CNTNAP5: variants seen among roughly 807,000 people sequenced by gnomAD.
The protein encoded by CNTNAP5 is contactin associated protein family member 5.
In CNTNAP5, 72 loss-of-function variants were observed where a neutral mutation model predicts 150.2. The observed-to-expected ratio is 0.48, with a 90% CI of 0.40 to 0.58. The LOEUF (loss-of-function observed/expected upper bound fraction) is 0.58. CNTNAP5 is among the 20% of genes least tolerant of loss of function. The probability of loss-of-function intolerance (pLI) is 0.00; values close to 1 mark genes in which losing one functional copy is unlikely to be tolerated. For missense variants in CNTNAP5, 1,636 were observed against 1,626.2 expected (o/e 1.01, Z -0.10); for synonymous variants, 672 against 619.8 (o/e 1.08, Z -1.25).
intron 1 of CNTNAP5, among the ~76,000 whole-genome samples, chr2:124,085,314 C>T (rs576246601): frequency 7.1e-4 from 108 of 152,182 alleles, no homozygotes; most frequent in Non-Finnish European, 1.2e-3. Flanking sequence ...TCACTCATTT[C>T]GTCAAAGTTT....
Position 124,726,919 on chromosome 2 carries a change from A to G in CNTNAP5, c.2078-20310A>G, listed in dbSNP as rs149685966. ...CTAAAAAAATGTTGTTCAGACTAAC[A>G]TCATGAAGATTTTATCCAGTGTTTT... On this transcript the variant is annotated intron_variant, in intron 13 of 23. Transcript: ENST00000682447. Among the ~76,000 whole-genome samples the G allele has an allele frequency of 3.0e-3, 452 of 152,200 alleles. 3 individuals carry two copies. Among genetic ancestry groups the G allele is most frequent in the African/African-American group, 0.01 (427 of 41,568 alleles).
At chr2:124,212,045 T>G (rs1573839302) in intron 1 of CNTNAP5, among the ~76,000 whole-genome samples, 1 of 152,354 alleles carries the variant, frequency 6.6e-6, no homozygotes. Flanking sequence ...CTCTCAATTC[T>G]GATAACTACT....
At chr2:124,768,400 C>T (rs1219538891) in intron 16 of CNTNAP5, among the ~76,000 whole-genome samples, 1 of 149,972 alleles carries the variant, frequency 6.7e-6, no homozygotes, top group Non-Finnish European at 1.5e-5. Flanking sequence ...AAGTATCATA[C>T]TGAGAATATT....
chr2:124,557,741 G>A (rs962991507), intron 10 of CNTNAP5, among the ~76,000 whole-genome samples: 4 of 152,114 alleles, frequency 2.6e-5, no homozygotes, highest in African/African-American at 9.7e-5. Flanking sequence ...AGGAAGGTTT[G>A]CACATTAAAT....
intron 4 of CNTNAP5, among the ~76,000 whole-genome samples, chr2:124,428,967 T>G (rs1245241285): frequency 6.6e-6 from 1 of 152,190 alleles, no homozygotes; most frequent in African/African-American, 2.4e-5. Flanking sequence ...TCTACACACT[T>G]TCTTTTTTTC....
chr2:124,134,103 T>A (rs560833498), intron 1 of CNTNAP5, among the ~76,000 whole-genome samples: 2 of 152,286 alleles, frequency 1.3e-5, no homozygotes, highest in South Asian at 2.1e-4. Context: ...ATTTTGTAGA[T>A]GTGTGTGGGA....
chr2:124,804,563 A>T (rs1682041868), intron 19 of CNTNAP5, among the ~76,000 whole-genome samples: 1 of 152,072 alleles, frequency 6.6e-6, no homozygotes, highest in African/African-American at 2.4e-5. Context: ...CCCTAATCCG[A>T]CAGGATTAGT....
intron 22 of CNTNAP5, among the ~76,000 whole-genome samples, chr2:124,910,019 A>G (rs527963719): frequency 4.5e-4 from 68 of 151,518 alleles, no homozygotes; most frequent in African/African-American, 1.6e-3. Flanking sequence ...TTTAATTACA[A>G]TACCCTTCCC....
rs887658147 is a variant in CNTNAP5, at chr2:124,551,130, C to T, written c.1650-12087C>T. Reference sequence around the variant, plus strand: ...GAGAGGCATGTGTGCCCTTTGTGCCCGGCTTCTTCTTGAACCCCAGCATTG... The same window carrying T: ...GAGAGGCATGTGTGCCCTTTGTGCCTGGCTTCTTCTTGAACCCCAGCATTG... On this transcript the variant is annotated intron_variant, in intron 10 of 23. Transcript: ENST00000682447. Among the ~76,000 whole-genome samples, 6 of 152,070 alleles carry T rather than the reference C, an allele frequency of 3.9e-5. No individual in the cohort carries two copies. In the South Asian group the frequency reaches 8.3e-4, roughly 21 times the overall value.
At chr2:124,814,024 T>C (rs1194937910) in intron 19 of CNTNAP5, among the ~76,000 whole-genome samples, 1 of 152,004 alleles carries the variant, frequency 6.6e-6, no homozygotes, top group African/African-American at 2.4e-5. Context: ...TATATTCATG[T>C]CACTTATTTT....
intron 3 of CNTNAP5, among the ~76,000 whole-genome samples, chr2:124,315,729 G>A (rs114857078): frequency 0.013 from 1,996 of 151,916 alleles, 19 homozygotes; most frequent in Non-Finnish European, 0.021. Context: ...TCTTGGCTCC[G>A]CATGAAAGTA....
chr2:124,639,695 C>T (rs987721896), intron 12 of CNTNAP5, among the ~76,000 whole-genome samples: 4 of 152,116 alleles, frequency 2.6e-5, no homozygotes, highest in African/African-American at 9.7e-5. Flanking sequence ...TGTTCCAGTA[C>T]ATTATGTACT....
intron 21 of CNTNAP5, among the ~76,000 whole-genome samples, chr2:124,886,001 C>T (rs566412167): frequency 6.6e-6 from 1 of 151,964 alleles, no homozygotes; most frequent in East Asian, 1.9e-4. Flanking sequence ...GGATTTGTTG[C>T]CTTTTGAAAG....
chr2:124,610,317 A>G (rs563362876), intron 12 of CNTNAP5, among the ~76,000 whole-genome samples: 2 of 152,264 alleles, frequency 1.3e-5, no homozygotes, highest in East Asian at 3.9e-4. Context: ...CTCTGGCCCC[A>G]AGGGATGCAT....
intron 11 of CNTNAP5, among the ~76,000 whole-genome samples, chr2:124,600,188 G>GT (rs1284441372): frequency 4.1e-4 from 51 of 125,308 alleles, no homozygotes; most frequent in African/African-American, 9.5e-4. Flanking sequence ...AATAGTAAAT[G>GT]GTTTTTTTTT....
Position 124,873,202 on chromosome 2 carries a change from G to T in CNTNAP5, c.3436+3440G>T, listed in dbSNP as rs201122903. Among the ~76,000 whole-genome samples, 16 of 152,186 alleles carry T rather than the reference G, an allele frequency of 1.1e-4. No homozygotes were observed. In the East Asian group the frequency reaches 3.1e-3, roughly 30 times the overall value. On this transcript the variant is annotated intron_variant, in intron 21 of 23. Transcript: ENST00000682447. The stretch of plus-strand genomic sequence containing the variant: ...TGTCACATGGTCAGAGCAGGAAGAA[G>T]AGCGAGGAGGAAGGTGCCACACAAT...
At chr2:124,446,980 C>A in intron 6 of CNTNAP5, 43 bp downstream of exon 6, 1 of 1,571,908 alleles carries the variant, frequency 6.4e-7, no homozygotes, top group South Asian at 1.2e-5. Context: ...CCCCTTGCTT[C>A]AATGAACGCA....
intron 1 of CNTNAP5, among the ~76,000 whole-genome samples, chr2:124,164,596 A>C (rs529071307): frequency 6.2e-4 from 95 of 152,208 alleles, no homozygotes; most frequent in Non-Finnish European, 1.2e-3. Flanking sequence ...GGGGAAGTCC[A>C]TGACACTAAA....
chr2:124,271,759 GGCTGTAGT>G (rs1687766739), intron 3 of CNTNAP5, among the ~76,000 whole-genome samples: 1 of 151,510 alleles, frequency 6.6e-6, no homozygotes, highest in Non-Finnish European at 1.5e-5. Flanking sequence ...CTGTTGCCCA[GGCTGTAGT>G]GCATTGGCAC....
Sources: gnomAD v4.1 joint callset for allele counts (sites outside exome capture counted in the v4.1 genomes callset) on GRCh38, gnomAD v4.1.1 for gene constraint, MANE v1.5 for transcripts, NCBI Gene and HGNC (gene_info 2026-07-23, HGNC 2026-07-21) for gene names.